Variants in LTBP2 observed in about 807,000 individuals in gnomAD.
LTBP2 encodes the protein latent transforming growth factor beta binding protein 2, also known as latent-transforming growth factor beta-binding protein 2.
Under a neutral mutation model 210.6 loss-of-function variants are expected in LTBP2, and 103 were observed. The ratio of observed to expected loss-of-function variants is 0.49; its 90% CI spans 0.42 to 0.58. LTBP2 has a LOEUF of 0.58. LTBP2 is among the 20% of genes least tolerant of loss of function. The probability of loss-of-function intolerance (pLI) is 0.00; values close to 1 mark genes in which losing one functional copy is unlikely to be tolerated. For missense variants in LTBP2, 2,313 were observed against 2,494.5 expected, an observed-to-expected ratio of 0.93 and a Z score of 1.55; for synonymous variants, 1,007 against 1,015.0, an observed-to-expected ratio of 0.99 and a Z score of 0.15.
chr14:74,604,793 T>C (rs1276670577), intron 1 of LTBP2, among the ~76,000 whole-genome samples: 1 of 151,870 alleles, frequency 6.6e-6, no homozygotes, highest in Non-Finnish European at 1.5e-5. Flanking sequence ...GCCCAGCCCT[T>C]CAGCTACTCC....
chr14:74,506,077 TC>T lies in LTBP2; in HGVS notation c.4147del (p.Glu1383ArgfsTer108), dbSNP rs2086979452. On this transcript the variant is annotated frameshift_variant, in exon 28 of 36. Coordinates refer to ENST00000261978, the MANE Select transcript of LTBP2 (RefSeq NM_000428.3). LOFTEE classifies it high-confidence loss of function. ...AGCCCCCCGTGGGCGGCAGTGCCCC[TC>T]CTGGGCATCGTACTCCTCCAGGTCA... ...ASDLEEYDAQ[E>X]GHCRPRGAGG... 2 of 1,614,108 alleles carry T rather than the reference TC, an allele frequency of 1.2e-6. No individual in the cohort carries two copies. Among genetic ancestry groups the T allele is most frequent in the African/African-American group, 2.7e-5 (2 of 75,030 alleles).
intron 2 of LTBP2, among the ~76,000 whole-genome samples, chr14:74,592,649 T>C (rs1191590461): frequency 1.3e-5 from 2 of 151,940 alleles, no homozygotes; most frequent in South Asian, 2.1e-4. Flanking sequence ...CAGTGAACCA[T>C]GATGGTGTCA....
At chr14:74,515,924 A>G (rs1213671657) in intron 18 of LTBP2, among the ~76,000 whole-genome samples, 2 of 152,188 alleles carry the variant, frequency 1.3e-5, no homozygotes, top group Non-Finnish European at 1.5e-5. Context: ...CACCTGCCGC[A>G]ACCTCTCCCC....
intron 1 of LTBP2, among the ~76,000 whole-genome samples, chr14:74,610,543 C>A (rs2088590462): frequency 6.6e-6 from 1 of 152,208 alleles, no homozygotes; most frequent in Admixed American, 6.5e-5. Context: ...CCGATGGTGC[C>A]CCCACCCAGC....
rs1006464139 is a variant in LTBP2 at position 74,612,186 on chromosome 14, C to T, written c.-242G>A. 2 of 490,224 alleles carry T rather than the reference C, an allele frequency of 4.1e-6. No homozygotes were observed. The highest frequency in any genetic ancestry group is 7.1e-6 in the Non-Finnish European group (2 of 282,142). 30.4% of individuals were successfully genotyped at this position (490,224 alleles called of 1,614,324 possible). A position where few individuals can be genotyped will look rare whatever the true frequency, so the allele number is the denominator to read the frequency against. On this transcript the variant is annotated 5_prime_UTR_variant, in exon 1 of 36. Transcript: ENST00000261978. ...GCACGGCTGCTGCACCTTCGCGCCT[C>T]CTCCCTGTGCCTGCAGCCGTCTGAA...
At chr14:74,551,552 C>T (rs1463346856) in intron 6 of LTBP2, among the ~76,000 whole-genome samples, 1 of 152,238 alleles carries the variant, frequency 6.6e-6, no homozygotes, top group Non-Finnish European at 1.5e-5. Flanking sequence ...AACTCTGTCA[C>T]TGAAGGAGCC....
Position 74,503,207 on chromosome 14 carries a change from G to C in LTBP2, c.4888+12C>G. ...CCCAGCCCTGCAGGGTATCCCCTTT[G>C]CTCCCCCTCACCAGAGCTCCTCGGG... is the stretch of plus-strand genomic sequence containing the variant. On this transcript the variant is annotated intron_variant, in intron 33 of 35. Transcript: ENST00000261978. 4.3e-6 allele frequency: 7 copies of C among 1,613,534 alleles called. No homozygotes were observed. Among genetic ancestry groups the C allele is most frequent in the Non-Finnish European group, 5.9e-6 (7 of 1,179,950 alleles).
At chr14:74,501,076 G>T in intron 35 of LTBP2, 47 bp from the exon 36 acceptor site, 1 of 1,587,086 alleles carries the variant, frequency 6.3e-7, no homozygotes, top group South Asian at 1.1e-5. Context: ...AGGTGCCTCT[G>T]CTGGCTGCCT....
At chr14:74,524,237 G>T (rs1005642235) in intron 15 of LTBP2, among the ~76,000 whole-genome samples, 4 of 152,188 alleles carry the variant, frequency 2.6e-5, no homozygotes, top group South Asian at 2.1e-4. Context: ...GAGGCCAGAA[G>T]GGGATGCTCC....
rs374130664 is a variant in LTBP2, at chr14:74,499,939, A to G, written c.*945T>C. The G allele has an allele frequency of 1.0e-3, 241 of 230,698 alleles. 3 individuals carry two copies. In the East Asian group the frequency reaches 0.013, roughly 12 times the overall value. The allele number at this position is 230,698 out of a possible 1,614,324, so 14.3% of individuals were successfully genotyped here. On this transcript the variant is annotated 3_prime_UTR_variant, in exon 36 of 36. Coordinates refer to ENST00000261978, the MANE Select transcript of LTBP2 (RefSeq NM_000428.3). ...TCTGGCTGCTTCTGAACAAGACCACACTGGAAAATAGACTTTTTACTTTTA... is the reference window on the plus strand; with the variant it reads ...TCTGGCTGCTTCTGAACAAGACCACGCTGGAAAATAGACTTTTTACTTTTA...
chr14:74,603,585 C>T lies in LTBP2; in HGVS notation c.565+50G>A, dbSNP rs1207070981. On this transcript the variant is annotated intron_variant, in intron 2 of 35. Coordinates refer to ENST00000261978, the MANE Select transcript of LTBP2 (RefSeq NM_000428.3). ...GCCCTGGGAGTAGGGTGGGGAATGG[C>T]ACTTCACGTTTGATAGAGCGGAGTG... The T allele has an allele frequency of 2.5e-6, 4 of 1,585,084 alleles. No homozygotes were observed. The Admixed American group carries it at 6.7e-5, about 26-fold the overall frequency.
intron 17 of LTBP2, among the ~76,000 whole-genome samples, chr14:74,518,987 C>G (rs929924075): frequency 6.6e-6 from 1 of 152,290 alleles, no homozygotes; most frequent in African/African-American, 2.4e-5. Flanking sequence ...CTGGAAAACT[C>G]CCTCACTCCA....
chr14:74,547,741 C>T (rs1212350927), intron 8 of LTBP2, among the ~76,000 whole-genome samples: 6 of 152,056 alleles, frequency 3.9e-5, no homozygotes, highest in South Asian at 2.1e-4. Flanking sequence ...CCTTGGTCAG[C>T]GCAGCAGGTA....
chr14:74,540,423 A>G (rs968670424), intron 8 of LTBP2, among the ~76,000 whole-genome samples: 1 of 151,998 alleles, frequency 6.6e-6, no homozygotes, highest in South Asian at 2.1e-4. Flanking sequence ...CAGTGAGTCG[A>G]GATCATGCCT....
In LTBP2 at chr14:74,551,072, TCA is replaced by T. The variant is rs1275491497; in HGVS notation, c.1676_1677del (p.Val559GlufsTer43). The T allele has an allele frequency of 2.5e-6, 4 of 1,613,610 alleles. No individual in the cohort carries two copies. The highest frequency in any genetic ancestry group is 2.7e-5 in the African/African-American group (2 of 74,938). ...GLLGRCYLNT[V>X]NGQCANPLLE... ...CAGAGCTGTGTTCTCACCTGTCCGT[TCA>T]CAGTGTTCAGGTAACACCGGCCCAG... On this transcript the variant is annotated frameshift_variant, in exon 7 of 36. Coordinates refer to ENST00000261978, the MANE Select transcript of LTBP2 (RefSeq NM_000428.3). LOFTEE classifies it high-confidence loss of function.
In LTBP2 at chr14:74,506,838, G is replaced by A. The variant is rs749052603; in HGVS notation, c.3908-15C>T. 6.2e-7 allele frequency: 1 copy of A among 1,613,044 alleles called. No individual in the cohort carries two copies. The highest frequency in any genetic ancestry group is 8.5e-7 in the Non-Finnish European group (1 of 1,179,800). On this transcript the variant is annotated splice_polypyrimidine_tract_variant and intron_variant, in intron 26 of 35. Coordinates refer to ENST00000261978, the MANE Select transcript of LTBP2 (RefSeq NM_000428.3). Reference sequence around the variant, plus strand: ...CTCGTCTATGTCTGTGGGACAGTGGGAACCAGGATAGAGGATGTGTGTGTG... The same window carrying A: ...CTCGTCTATGTCTGTGGGACAGTGGAAACCAGGATAGAGGATGTGTGTGTG...
chr14:74,538,280 A>G (rs895177133), intron 8 of LTBP2, among the ~76,000 whole-genome samples: 1 of 152,120 alleles, frequency 6.6e-6, no homozygotes, highest in Non-Finnish European at 1.5e-5. Context: ...TCTGTATTTC[A>G]TATAGTCTTC....
chr14:74,603,664 G>T lies in LTBP2; in HGVS notation c.536C>A (p.Thr179Lys). Residue 179 changes from threonine (T) to lysine (K), a missense_variant, in exon 2 of 36, where the codon ACA becomes AAA. This residue lies in a region of LTBP2 where 1,867 missense variants were observed against 1,976.9 expected (regional missense o/e 0.94). Transcript: ENST00000261978. The part of the protein sequence containing the change: ...CGGQCCPGWT[T>K]ANSTNHCIKP... ...GATACAGTGGTTGGTGCTGTTTGCT[G>T]TTGTCCATCCTGGGCAGCACTGTCC... 1.2e-6 allele frequency: 2 copies of T among 1,614,212 alleles called. No homozygotes were observed. The highest frequency in any genetic ancestry group is 1.7e-6 in the Non-Finnish European group (2 of 1,180,040).
rs1047985641 is a variant in LTBP2, at chr14:74,586,375, C to G, written c.566-257G>C. 6.6e-6 allele frequency among the ~76,000 whole-genome samples: 1 copy of G among 152,184 alleles called. No homozygotes were observed. The highest frequency in any genetic ancestry group is 1.5e-5 in the Non-Finnish European group (1 of 68,036). Reference sequence around the variant, plus strand: ...AGCTGCAGAGTGGCTCACACCACCACGTCCCACAGCACACCCTGAAGAGGA... The same window carrying G: ...AGCTGCAGAGTGGCTCACACCACCAGGTCCCACAGCACACCCTGAAGAGGA... On this transcript the variant is annotated intron_variant, in intron 2 of 35. Transcript: ENST00000261978. This position sits in a 1 kb window ranked among gnomAD's most constrained non-coding sequence, Gnocchi z 4.6.
Sources: allele counts gnomAD v4.1 joint callset (sites outside exome capture counted in the v4.1 genomes callset), GRCh38; gene constraint gnomAD v4.1.1; regional missense constraint gnomAD v4.1.1; non-coding constraint Gnocchi (gnomAD v3.1); transcripts MANE v1.5; gene names NCBI Gene and HGNC (gene_info 2026-07-23, HGNC 2026-07-21).